The following SFI1 variants were observed in gnomAD, a reference collection of about 807,000 sequenced individuals.
SFI1 encodes the protein protein SFI1 homolog.
A neutral mutation model predicts 207.5 loss-of-function variants in SFI1; 195 were observed. The observed-to-expected ratio is 0.94, with a 90% confidence interval of 0.84 to 1.06. SFI1 has a LOEUF of 1.06. Among genes scored for constraint, SFI1 ranks in the 50% least tolerant of loss-of-function variants. The probability of loss-of-function intolerance (pLI) is 0.00; values close to 1 mark genes in which losing one functional copy is unlikely to be tolerated. For synonymous variants in SFI1, 630 were observed against 598.9 expected, an observed-to-expected ratio of 1.05 and a Z score of -0.76; for missense variants, 1,634 against 1,588.0, an observed-to-expected ratio of 1.03 and a Z score of -0.49.
chr22:31,570,649 C>A (rs989600487), intron 8 of SFI1, among the ~76,000 whole-genome samples: 2 of 152,110 alleles, frequency 1.3e-5, no homozygotes, highest in African/African-American at 4.8e-5. Flanking sequence ...GCCTGTAAAT[C>A]CCAACACTTT....
chr22:31,588,961 TA>T (rs1280608648), intron 14 of SFI1, among the ~76,000 whole-genome samples: 1 of 152,220 alleles, frequency 6.6e-6, no homozygotes, highest in African/African-American at 2.4e-5. Flanking sequence ...GATGTATCAG[TA>T]AAATAGTAGA....
chr22:31,565,384 A>G (rs1386938660), intron 8 of SFI1, among the ~76,000 whole-genome samples: 1 of 151,930 alleles, frequency 6.6e-6, no homozygotes, highest in Non-Finnish European at 1.5e-5. Context: ...AGCCTGGGCA[A>G]TATAATGAGA....
chr22:31,617,025 TGA>T lies in SFI1; in HGVS notation c.3461_3462del (p.Glu1154GlyfsTer40). ...GCAGCCTGGACCTTGAGGCTGAACT[TGA>T]GGAGATCCAGCAGCAACTACTGCAC... is the stretch of plus-strand genomic sequence containing the variant. ...AGSLDLEAEL[E>X]EIQQQLLHYQ... On this transcript the variant is annotated frameshift_variant, in exon 31 of 33. Coordinates refer to ENST00000400288, the MANE Select transcript of SFI1 (RefSeq NM_001007467.3). LOFTEE classifies it high-confidence loss of function. 6.2e-7 allele frequency: 1 copy of T among 1,613,992 alleles called. No homozygotes were observed. Among genetic ancestry groups the T allele is most frequent in the African/African-American group, 1.3e-5 (1 of 75,008 alleles).
rs1248532375 is a variant in SFI1 at position 31,613,153 on chromosome 22, G to A, written c.2502G>A (p.Arg834=). Residue 834 remains arginine, a synonymous_variant, in exon 25 of 33, where the codon AGG becomes AGA. Coordinates refer to ENST00000400288, the MANE Select transcript of SFI1 (RefSeq NM_001007467.3). ...FRQWRQQLAA[R]RQEQRATVRA... ...CTTTCTGGCCCTAGCTGGCAGCCAG[G>A]AGGCAGGAGCAGCGGGCGACAGTGC... 6.2e-7 allele frequency: 1 copy of A among 1,613,592 alleles called. No homozygotes were observed. Among genetic ancestry groups the A allele is most frequent in the Non-Finnish European group, 8.5e-7 (1 of 1,179,996 alleles).
intron 21 of SFI1, among the ~76,000 whole-genome samples, chr22:31,607,284 C>T (rs530317514): frequency 1.0e-3 from 159 of 152,180 alleles, no homozygotes; most frequent in South Asian, 1.9e-3. Flanking sequence ...AGAATGTATA[C>T]GACGTAGGTG....
chr22:31,589,435 CTT>C lies in SFI1; in HGVS notation c.1414-9_1414-8del, dbSNP rs768498431. 1 of 1,584,876 alleles carries C rather than the reference CTT, an allele frequency of 6.3e-7. No individual in the cohort carries two copies. The highest frequency in any genetic ancestry group is 1.9e-5 in the Admixed American group (1 of 51,608). Reference sequence around the variant, plus strand: ...AAGTTAAGTACAAAGGTTATTCATTCTTTTACTTTAGCTGCTACAGGCCAGAG... The same window carrying C: ...AAGTTAAGTACAAAGGTTATTCATTCTTACTTTAGCTGCTACAGGCCAGAG... On this transcript the variant is annotated splice_polypyrimidine_tract_variant and intron_variant, in intron 14 of 32. Coordinates refer to ENST00000400288, the MANE Select transcript of SFI1 (RefSeq NM_001007467.3).
chr22:31,530,506 A>AAAAAAAAAAC (rs1165791633), intron 3 of SFI1: 1 of 311,322 alleles, frequency 3.2e-6, no homozygotes, highest in Non-Finnish European at 6.5e-6. Context: ...AAAAAAAAAA[A>AAAAAAAAAAC]AAAAAAAGAC....
chr22:31,544,008 GC>G (rs201337240), intron 4 of SFI1, among the ~76,000 whole-genome samples: 1,781 of 152,136 alleles, frequency 0.012, 10 homozygotes, highest in Middle Eastern at 0.031. Context: ...GGGCAACATG[GC>G]GAAAACCCGT....
chr22:31,499,971 T>G (rs1555923863), intron 1 of SFI1, among the ~76,000 whole-genome samples: 9 of 123,124 alleles, frequency 7.3e-5, no homozygotes, highest in African/African-American at 6.7e-5. Context: ...GGCGACAGAG[T>G]GAGACTCCAT....
At chr22:31,550,881 A>G (rs1351422976) in intron 6 of SFI1, among the ~76,000 whole-genome samples, 2 of 152,302 alleles carry the variant, frequency 1.3e-5, no homozygotes, top group East Asian at 1.9e-4. Context: ...TTAGCAGCAG[A>G]ATGTCCTAAA....
Position 31,546,884 on chromosome 22 carries a change from T to C in SFI1, c.362T>C (p.Leu121Pro). 1 of 1,611,554 alleles carries C rather than the reference T, an allele frequency of 6.2e-7. No homozygotes were observed. Among genetic ancestry groups the C allele is most frequent in the Non-Finnish European group, 8.5e-7 (1 of 1,178,764 alleles). The change falls in exon 5 of 33, where the codon CTA becomes CCA. Residue 121 changes from leucine to proline, a missense_variant. Transcript: ENST00000400288. Reference sequence around the variant, plus strand: ...AGATTTTACTATGAGCAGCGATTACTACGGAAGGTCTTCGAAGAATGGAAA... The same window carrying C: ...AGATTTTACTATGAGCAGCGATTACCACGGAAGGTCTTCGAAGAATGGAAA... ...KARFYYEQRL[L>P]RKVFEEWKEE...
intron 6 of SFI1, among the ~76,000 whole-genome samples, chr22:31,556,548 C>T (rs1437993473): frequency 6.6e-6 from 1 of 152,102 alleles, no homozygotes; most frequent in African/African-American, 2.4e-5. Flanking sequence ...GAATAATGAA[C>T]CTCCATGTAT....
chr22:31,519,561 C>T (rs1039174817), intron 2 of SFI1, among the ~76,000 whole-genome samples: 5 of 152,034 alleles, frequency 3.3e-5, no homozygotes, highest in Non-Finnish European at 7.4e-5. Context: ...CTCAGCCCCC[C>T]GAGTAGCTGG....
At chr22:31,572,413 C>A (rs148854105) in intron 8 of SFI1, among the ~76,000 whole-genome samples, 11 of 152,218 alleles carry the variant, frequency 7.2e-5, no homozygotes, top group African/African-American at 2.6e-4. Context: ...CAGTAGGCTT[C>A]CTCTGACTTT....
rs1005440060 is a variant in SFI1 at position 31,590,827 on chromosome 22, G to A, written c.1544+1250G>A. Among the ~76,000 whole-genome samples, 55 of 148,628 alleles carry A rather than the reference G, an allele frequency of 3.7e-4. 2 individuals are homozygous for A. In the South Asian group the frequency reaches 0.011, roughly 29 times the overall value. On this transcript the variant is annotated intron_variant, in intron 15 of 32. Coordinates refer to ENST00000400288, the MANE Select transcript of SFI1 (RefSeq NM_001007467.3). ...CAGCGTTTCAAGTTTTTAAGAGAAT[G>A]TGTCCATTTCCCCTTCTCTTTTTAT...
chr22:31,560,074 A>G (rs913056135), intron 7 of SFI1: 3 of 240,236 alleles, frequency 1.2e-5, no homozygotes, highest in African/African-American at 2.3e-5. Context: ...CCCTGGATGC[A>G]TAAGAAGATA....
chr22:31,550,201 G>A lies in SFI1; in HGVS notation c.450-53G>A, dbSNP rs190932764. ...GCTAGGGTTACAGGTGTGAGCCACCGCGCCCGGCCTGTTATTTTGAAGAAA... is the reference window on the plus strand; with the variant it reads ...GCTAGGGTTACAGGTGTGAGCCACCACGCCCGGCCTGTTATTTTGAAGAAA... On this transcript the variant is annotated intron_variant, in intron 5 of 32. Coordinates refer to ENST00000400288, the MANE Select transcript of SFI1 (RefSeq NM_001007467.3). 167 of 1,470,760 alleles carry A rather than the reference G, an allele frequency of 1.1e-4. No individual in the cohort carries two copies. The East Asian group carries it at 3.1e-3, about 28-fold the overall frequency. 91.1% of individuals were successfully genotyped at this position (1,470,760 alleles called of 1,614,324 possible).
chr22:31,608,247 G>A (rs2069413358), intron 22 of SFI1, among the ~76,000 whole-genome samples: 1 of 152,278 alleles, frequency 6.6e-6, no homozygotes, highest in South Asian at 2.1e-4. Flanking sequence ...GTGTGGCAGG[G>A]CCATGCTTCT....
intron 2 of SFI1, among the ~76,000 whole-genome samples, chr22:31,525,755 T>TAGATAGAC (rs1240013755): frequency 2.8e-5 from 4 of 143,996 alleles, no homozygotes; most frequent in African/African-American, 1.0e-4. Context: ...GATAGATAGA[T>TAGATAGAC]AGATAGATAG....
Sources: allele counts gnomAD v4.1 joint callset (sites outside exome capture counted in the v4.1 genomes callset), GRCh38; gene constraint gnomAD v4.1.1; transcripts MANE v1.5; gene names NCBI Gene and HGNC (gene_info 2026-07-23, HGNC 2026-07-21).